Variants in SCCPDH observed in about 807,000 individuals in gnomAD.
SCCPDH encodes the protein saccharopine dehydrogenase-like oxidoreductase.
In SCCPDH, 34 loss-of-function variants were observed where a neutral mutation model predicts 51.5. That is an observed-to-expected ratio of 0.66 (90% CI 0.50 to 0.88). SCCPDH has a LOEUF of 0.88. Among genes scored for constraint, SCCPDH ranks in the 40% least tolerant of loss-of-function variants. The probability of loss-of-function intolerance (pLI) is 0.00; values close to 1 mark genes in which losing one functional copy is unlikely to be tolerated. For synonymous variants in SCCPDH, 187 were observed against 191.3 expected (o/e 0.98, Z 0.19); for missense variants, 464 against 527.1 (o/e 0.88, Z 1.17).
At chr1:246,750,923 C>T (rs1171400412) in intron 5 of SCCPDH, among the ~76,000 whole-genome samples, 3 of 152,178 alleles carry the variant, frequency 2.0e-5, no homozygotes, top group South Asian at 2.1e-4. Context: ...GTCTGTAACC[C>T]GTTTGGCCGG....
rs1558176674 is a variant in SCCPDH, at chr1:246,767,479, TG to T, written c.*180del. On this transcript the variant is annotated 3_prime_UTR_variant, in exon 12 of 12. Coordinates refer to ENST00000366510, the MANE Select transcript of SCCPDH (RefSeq NM_016002.3). ...CTTACCCTAAATTTCAAATCTGAGT[TG>T]ATTTTGTGATTTTATTGCTTATAAC... 5.0e-6 allele frequency: 2 copies of T among 397,430 alleles called. No individual in the cohort carries two copies. The highest frequency in any genetic ancestry group is 4.5e-6 in the Non-Finnish European group (1 of 224,372). The allele number at this position is 397,430 out of a possible 1,614,324, so 24.6% of individuals were successfully genotyped here. A position where few individuals can be genotyped will look rare whatever the true frequency, so the allele number is the denominator to read the frequency against.
chr1:246,740,860 C>G (rs78787480), intron 4 of SCCPDH, among the ~76,000 whole-genome samples: 6,900 of 152,132 alleles, frequency 0.045, 336 homozygotes, highest in East Asian at 0.17. Flanking sequence ...GCAGCAGGAT[C>G]TCTCGAGGCC....
chr1:246,741,019 G>A (rs1408885732), intron 4 of SCCPDH, among the ~76,000 whole-genome samples: 1 of 152,122 alleles, frequency 6.6e-6, no homozygotes, highest in African/African-American at 2.4e-5. Context: ...AGGAGTTTGA[G>A]GCTTTAGTAA....
chr1:246,757,344 C>CAA (rs10649597), intron 5 of SCCPDH, among the ~76,000 whole-genome samples: 34,111 of 77,012 alleles, frequency 0.44, 6,589 homozygotes, highest in Non-Finnish European at 0.51. Context: ...GACTCTGTCT[C>CAA]AAAAAAAAAA....
chr1:246,767,061 G>T, intron 11 of SCCPDH, 134 bp from the exon 12 acceptor site: 2 of 545,050 alleles, frequency 3.7e-6, no homozygotes, highest in South Asian at 3.0e-5. Context: ...TTTTAGGAAG[G>T]AATCAAAGGT....
Position 246,767,402 on chromosome 1 carries a change from C to T in SCCPDH, c.*102C>T, listed in dbSNP as rs1669102032. On this transcript the variant is annotated 3_prime_UTR_variant, in exon 12 of 12. Transcript: ENST00000366510. Reference sequence around the variant, plus strand: ...AAGCCTGTCTGAGTGTATGTGGAAACGATTGTCAAATCTAAAATATCTATA... The same window carrying T: ...AAGCCTGTCTGAGTGTATGTGGAAATGATTGTCAAATCTAAAATATCTATA... 4 of 572,416 alleles carry T rather than the reference C, an allele frequency of 7.0e-6. No homozygotes were observed. The highest frequency in any genetic ancestry group is 3.4e-5 in the East Asian group (1 of 29,672). 35.5% of individuals were successfully genotyped at this position (572,416 alleles called of 1,614,324 possible).
intron 9 of SCCPDH, 35 bp from the exon 10 acceptor site, chr1:246,764,211 T>G: frequency 7.6e-7 from 1 of 1,317,186 alleles, no homozygotes. Context: ...AAATGACGTA[T>G]TTATGAAATG....
intron 1 of SCCPDH, among the ~76,000 whole-genome samples, chr1:246,725,551 AAT>A (rs1668383509): frequency 6.6e-6 from 1 of 152,176 alleles, no homozygotes; most frequent in Non-Finnish European, 1.5e-5. Context: ...CTTTCTGTTT[AAT>A]CTACTTTCAT....
At chr1:246,745,312 ATTTG>A (rs1668741628) in intron 5 of SCCPDH, among the ~76,000 whole-genome samples, 1 of 152,254 alleles carries the variant, frequency 6.6e-6, no homozygotes, top group African/African-American at 2.4e-5. Flanking sequence ...CTTCAGAAGT[ATTTG>A]TTCTAAATTA....
intron 7 of SCCPDH, 66 bp from the exon 8 acceptor site, chr1:246,759,891 C>G (rs1668984911): frequency 6.6e-7 from 1 of 1,513,812 alleles, no homozygotes; most frequent in African/African-American, 1.4e-5. Context: ...GTACAAGTAA[C>G]TAACATTCTT....
chr1:246,741,249 C>A (rs1391550740), intron 4 of SCCPDH, among the ~76,000 whole-genome samples: 1 of 152,126 alleles, frequency 6.6e-6, no homozygotes, highest in Non-Finnish European at 1.5e-5. Flanking sequence ...AGATAGCACA[C>A]ACACACACAA....
At chr1:246,738,833 A>G (rs942185498) in intron 3 of SCCPDH, among the ~76,000 whole-genome samples, 3 of 152,224 alleles carry the variant, frequency 2.0e-5, no homozygotes, top group Non-Finnish European at 4.4e-5. Context: ...AGCCCGGGCA[A>G]CAGTGCGAGA....
At chr1:246,757,111 A>G (rs1668942346) in intron 5 of SCCPDH, among the ~76,000 whole-genome samples, 1 of 152,214 alleles carries the variant, frequency 6.6e-6, no homozygotes, top group Non-Finnish European at 1.5e-5. Context: ...TGGGAGGCCA[A>G]GGCGGGCGGC....
intron 3 of SCCPDH, 104 bp from the exon 4 acceptor site, chr1:246,740,068 A>G (rs945274845): frequency 3.4e-6 from 3 of 882,642 alleles, no homozygotes; most frequent in Non-Finnish European, 5.1e-6. Flanking sequence ...CACACTGCTT[A>G]GCATTTTCAA....
At position 246,763,937 on chromosome 1, in the gene SCCPDH, C is replaced by G. The variant is rs555702847; in HGVS notation, c.991-309C>G. On this transcript the variant is annotated intron_variant, in intron 9 of 11. Coordinates refer to ENST00000366510, the MANE Select transcript of SCCPDH (RefSeq NM_016002.3). ...TTGCTGGCTATTTTTGTCTTGTCGC[C>G]TCAAATAGGTATCTAAAACCAGATT... is the stretch of plus-strand genomic sequence containing the variant. Among the ~76,000 whole-genome samples, 6 of 152,240 alleles carry G rather than the reference C, an allele frequency of 3.9e-5. No individual in the cohort carries two copies. In the South Asian group the frequency reaches 1.2e-3, roughly 32 times the overall value.
Position 246,764,334 on chromosome 1 carries a change from T to C in SCCPDH, c.1079T>C (p.Ile360Thr). The stretch of plus-strand genomic sequence containing the variant: ...GATAAGAACAAACCAAATATCAAAA[T>C]TTGTACTCAGGTGAAAGGACCAGGT... ...GTDKNKPNIK[I>T]CTQVKGPEAG... The change falls in exon 10 of 12, where the codon ATT becomes ACT. Residue 360 changes from isoleucine to threonine, a missense_variant. Transcript: ENST00000366510. 1 of 1,611,656 alleles carries C rather than the reference T, an allele frequency of 6.2e-7. No individual in the cohort carries two copies. Among genetic ancestry groups the C allele is most frequent in the Non-Finnish European group, 8.5e-7 (1 of 1,178,396 alleles).
Position 246,735,992 on chromosome 1 carries a change from A to G in SCCPDH, c.321A>G (p.Glu107=), listed in dbSNP as rs1405705908. Residue 107 remains glutamate, a synonymous_variant, in exon 3 of 12, where the codon GAA becomes GAG. Transcript: ENST00000366510. ...TTCCCTAGTATCGGTTTTATGGAGA[A>G]CCTGTAATAAAAGCATGTATTGAAA... ...NCVGPYRFYG[E]PVIKACIENG... 2.5e-6 allele frequency: 4 copies of G among 1,611,366 alleles called. No homozygotes were observed. The highest frequency in any genetic ancestry group is 3.4e-6 in the Non-Finnish European group (4 of 1,177,700).
chr1:246,724,752 G>C (rs1307797440), intron 1 of SCCPDH, 140 bp downstream of exon 1: 1 of 701,822 alleles, frequency 1.4e-6, no homozygotes, highest in Non-Finnish European at 2.2e-6. Flanking sequence ...GAGAGGGAGA[G>C]ATGTTTCAAA....
intron 10 of SCCPDH, 130 bp downstream of exon 10, chr1:246,764,487 T>G: frequency 2.0e-6 from 1 of 504,844 alleles, no homozygotes; most frequent in Non-Finnish European, 3.4e-6. Flanking sequence ...TTAAGTAACT[T>G]AAAATTATTC....
Sources: allele counts gnomAD v4.1 joint callset (sites outside exome capture counted in the v4.1 genomes callset), GRCh38; gene constraint gnomAD v4.1.1; transcripts MANE v1.5; gene names NCBI Gene and HGNC (gene_info 2026-07-23, HGNC 2026-07-21).